The following MTUS2 variants were observed in gnomAD, a reference collection of about 807,000 sequenced individuals.
MTUS2 encodes the protein microtubule-associated tumor suppressor candidate 2.
A neutral mutation model predicts 114.1 loss-of-function variants in MTUS2; 40 were observed. That is an observed-to-expected ratio of 0.35 (90% CI 0.27 to 0.46). The LOEUF (loss-of-function observed/expected upper bound fraction) is 0.46, where lower values mean the gene tolerates loss of function less well. Ranked by LOEUF, MTUS2 falls within the 20% of genes least tolerant of loss-of-function variation. The probability of loss-of-function intolerance (pLI) is 1.00; values close to 1 mark genes in which losing one functional copy is unlikely to be tolerated. For missense variants in MTUS2, 1,679 were observed against 1,705.4 expected (o/e 0.98, Z 0.27); for synonymous variants, 688 against 672.0 (o/e 1.02, Z -0.37).
At position 29,026,865 on chromosome 13, in the gene MTUS2, C is replaced by T. The variant is rs1190821443; in HGVS notation, c.2167C>T (p.His723Tyr). ...LMVSGIKPPG[H>Y]PFSQMSEKFL... ...GGTGTCTGGAATCAAGCCCCCGGGA[C>T]ATCCTTTCAGTCAAATGAGTGAAAA... The change falls in exon 3 of 16, where the codon CAT becomes TAT. Residue 723 changes from histidine to tyrosine, a missense_variant. His to Tyr is a moderately conservative substitution (Grantham distance 83, BLOSUM62 2). This residue lies in a region of MTUS2 where 822 missense variants were observed against 899.7 expected (regional missense o/e 0.91). Transcript: ENST00000612955. 3 of 1,602,480 alleles carry T rather than the reference C, an allele frequency of 1.9e-6. No homozygotes were observed. The South Asian group carries it at 3.3e-5, about 18-fold the overall frequency.
chr13:29,149,223 G>A (rs1040934508), intron 5 of MTUS2, among the ~76,000 whole-genome samples: 2 of 152,092 alleles, frequency 1.3e-5, no homozygotes, highest in Non-Finnish European at 2.9e-5. Flanking sequence ...AATTCTGACT[G>A]GCATGAAATG....
At chr13:29,164,776 A>G (rs999559114) in intron 5 of MTUS2, among the ~76,000 whole-genome samples, 4 of 152,232 alleles carry the variant, frequency 2.6e-5, no homozygotes, top group Admixed American at 6.5e-5. Context: ...ATATAAAGTA[A>G]TTTCAAGTGG....
chr13:29,388,900 C>T (rs77993312), intron 8 of MTUS2, among the ~76,000 whole-genome samples: 5,871 of 151,920 alleles, frequency 0.039, 401 homozygotes, highest in African/African-American at 0.13. Flanking sequence ...AAAGGCATAT[C>T]TATATTTTAT....
chr13:28,918,513 A>AT (rs1436663496), intron 2 of MTUS2, among the ~76,000 whole-genome samples: 1 of 151,420 alleles, frequency 6.6e-6, no homozygotes, highest in Non-Finnish European at 1.5e-5. Flanking sequence ...GACATGGGAT[A>AT]TTTTTTTCCA....
chr13:29,488,503 C>T (rs1593507028), intron 11 of MTUS2, among the ~76,000 whole-genome samples: 3 of 135,552 alleles, frequency 2.2e-5, no homozygotes, highest in Admixed American at 8.4e-5. Flanking sequence ...TGCAGTGGTG[C>T]GATCTCAGCT....
intron 2 of MTUS2, among the ~76,000 whole-genome samples, chr13:28,945,869 G>C (rs752674577): frequency 1.3e-5 from 2 of 152,180 alleles, no homozygotes; most frequent in Non-Finnish European, 2.9e-5. Flanking sequence ...TGCATTTGAG[G>C]TTTTAATCGT....
intron 6 of MTUS2, among the ~76,000 whole-genome samples, chr13:29,285,093 G>GA (rs534953462): frequency 3.9e-4 from 43 of 111,638 alleles, no homozygotes; most frequent in African/African-American, 6.3e-4. Flanking sequence ...TGGTAAAAAA[G>GA]AAAAAAAAAA....
chr13:29,197,830 A>T (rs1422818026), intron 5 of MTUS2, among the ~76,000 whole-genome samples: 6 of 152,050 alleles, frequency 3.9e-5, no homozygotes, highest in African/African-American at 1.5e-4. Flanking sequence ...GCGTTTTTTC[A>T]TATGTTTGTT....
intron 2 of MTUS2, among the ~76,000 whole-genome samples, chr13:28,993,656 T>C (rs975101955): frequency 5.9e-5 from 9 of 152,170 alleles, no homozygotes; most frequent in African/African-American, 2.2e-4. Flanking sequence ...GCACCATTTA[T>C]TGAATAGAGA....
chr13:29,281,857 C>T lies in MTUS2; in HGVS notation c.2798C>T (p.Thr933Ile), dbSNP rs1187521021. ...CTTCCAGCGCCAAAATCCACTTCCA[C>T]ACCCGCTGGTAAGACTTTGTGCCTT... ...SLLPAPKSTS[T>I]PAGTKKDAQK... The change falls in exon 6 of 16, where the codon ACA (threonine) becomes ATA (isoleucine). Residue 933 changes from threonine (T) to isoleucine (I), a missense_variant. Physicochemically the swap from Thr to Ile is moderately conservative, Grantham distance 89 (BLOSUM62 -1). Around this residue, in one of 3 missense-constraint regions of MTUS2, gnomAD observed 822 missense variants for 899.7 expected, o/e 0.91. Transcript: ENST00000612955. 5 of 1,596,504 alleles carry T rather than the reference C, an allele frequency of 3.1e-6. No individual in the cohort carries two copies. Among genetic ancestry groups the T allele is most frequent in the South Asian group, 1.1e-5 (1 of 89,404 alleles).
chr13:29,493,916 G>C (rs575089133), intron 12 of MTUS2, among the ~76,000 whole-genome samples: 2 of 152,216 alleles, frequency 1.3e-5, no homozygotes, highest in African/African-American at 4.8e-5. Flanking sequence ...TGTTGTGACT[G>C]TCCAGCAGAA....
chr13:29,084,232 G>A (rs1052556898), intron 4 of MTUS2, among the ~76,000 whole-genome samples: 9 of 152,036 alleles, frequency 5.9e-5, no homozygotes, highest in African/African-American at 1.2e-4. Flanking sequence ...TAAATCTTAC[G>A]TTGTATAAAT....
At chr13:29,004,053 T>G (rs921028021) in intron 2 of MTUS2, among the ~76,000 whole-genome samples, 4 of 152,146 alleles carry the variant, frequency 2.6e-5, no homozygotes, top group African/African-American at 7.2e-5. Flanking sequence ...GTTTCTTGCC[T>G]CCACCAGGAC....
chr13:29,493,768 A>G (rs1226084341), intron 12 of MTUS2, among the ~76,000 whole-genome samples: 2 of 152,188 alleles, frequency 1.3e-5, no homozygotes, highest in Non-Finnish European at 2.9e-5. Context: ...AAGGAACACA[A>G]ATCAGGAAAG....
intron 11 of MTUS2, among the ~76,000 whole-genome samples, chr13:29,488,668 ATAC>A (rs1881825998): frequency 6.6e-6 from 1 of 152,000 alleles, no homozygotes; most frequent in Non-Finnish European, 1.5e-5. Flanking sequence ...CCCGGCATGG[ATAC>A]ACTTTCTTCA....
intron 8 of MTUS2, among the ~76,000 whole-genome samples, chr13:29,366,699 A>G (rs1870750367): frequency 6.6e-6 from 1 of 152,208 alleles, no homozygotes; most frequent in Admixed American, 6.5e-5. Flanking sequence ...TTTGTGGAGC[A>G]TCTGAATCAT....
intron 5 of MTUS2, among the ~76,000 whole-genome samples, chr13:29,184,213 C>T (rs893750330): frequency 6.6e-6 from 1 of 152,130 alleles, no homozygotes; most frequent in Non-Finnish European, 1.5e-5. Context: ...GTTCAGCTAC[C>T]TTTGACAAAT....
chr13:29,203,560 GAAAAA>G (rs57964712), intron 5 of MTUS2, among the ~76,000 whole-genome samples: 1 of 116,144 alleles, frequency 8.6e-6, no homozygotes, highest in African/African-American at 3.3e-5. Flanking sequence ...ACTGGGGTAT[GAAAAA>G]AAAAAAAAAA....
intron 2 of MTUS2, among the ~76,000 whole-genome samples, chr13:28,927,535 C>T (rs541788159): frequency 2.0e-5 from 3 of 152,172 alleles, no homozygotes; most frequent in Non-Finnish European, 1.5e-5. Context: ...CACTGCACTC[C>T]AGCATGGGTG....
Sources: allele counts gnomAD v4.1 joint callset (sites outside exome capture counted in the v4.1 genomes callset), GRCh38; gene constraint gnomAD v4.1.1; regional missense constraint gnomAD v4.1.1; transcripts MANE v1.5; gene names NCBI Gene and HGNC (gene_info 2026-07-23, HGNC 2026-07-21).